Variants in FRMD4A observed in about 807,000 individuals in gnomAD.
FRMD4A encodes FERM domain containing 4A.
FRMD4A carries 29 observed loss-of-function variants against 129.1 expected under a neutral mutation model. The ratio of observed to expected loss-of-function variants is 0.22; its 90% CI spans 0.17 to 0.31. The LOEUF (loss-of-function observed/expected upper bound fraction) is 0.31, where lower values mean the gene tolerates loss of function less well. Among genes scored for constraint, FRMD4A ranks in the 10% least tolerant of loss-of-function variants. The pLI, the probability that FRMD4A is intolerant of heterozygous loss-of-function variation, is 1.00. For missense variants in FRMD4A, 1,272 were observed against 1,375.8 expected, an observed-to-expected ratio of 0.92 and a Z score of 1.19; for synonymous variants, 634 against 571.6, an observed-to-expected ratio of 1.11 and a Z score of -1.56.
chr10:14,324,273 T>C (rs1052137494), intron 2 of FRMD4A, among the ~76,000 whole-genome samples: 1 of 152,214 alleles, frequency 6.6e-6, no homozygotes, highest in African/African-American at 2.4e-5. Flanking sequence ...AAAATATTAA[T>C]AGCAAGATCT....
chr10:13,933,156 C>T (rs1034856237), intron 2 of FRMD4A, among the ~76,000 whole-genome samples: 1 of 142,384 alleles, frequency 7.0e-6, no homozygotes. Flanking sequence ...AAAACTCTGT[C>T]TCAAAAAAAA....
rs1290371371 is a variant in FRMD4A at position 13,821,192 on chromosome 10, TG to T, written c.112-10285del. On this transcript the variant is annotated intron_variant, in intron 3 of 24. Transcript: ENST00000357447. This position sits in a 1 kb window ranked among gnomAD's most constrained non-coding sequence, Gnocchi z 4.3. ...CTGTCCACTGTGTGGCCAGCAGGTC[TG>T]GGCGGCGACTCCCCTCCTTGTCGCC... Among the ~76,000 whole-genome samples, 1 of 152,086 alleles carries T rather than the reference TG, an allele frequency of 6.6e-6. No individual in the cohort carries two copies. The highest frequency in any genetic ancestry group is 1.5e-5 in the Non-Finnish European group (1 of 67,992).
intron 15 of FRMD4A, among the ~76,000 whole-genome samples, chr10:13,681,873 G>C (rs1435122049): frequency 2.0e-5 from 3 of 152,128 alleles, no homozygotes; most frequent in Admixed American, 2.0e-4. Context: ...GAAGATGCTT[G>C]GAAGAGAGGT....
At chr10:14,275,050 T>G (rs1469922167) in intron 2 of FRMD4A, among the ~76,000 whole-genome samples, 1 of 152,240 alleles carries the variant, frequency 6.6e-6, no homozygotes, top group Non-Finnish European at 1.5e-5. Context: ...CAGTCTCTGG[T>G]GTACACTTCC....
chr10:13,988,033 G>A (rs1342147124), intron 2 of FRMD4A, among the ~76,000 whole-genome samples: 2 of 152,034 alleles, frequency 1.3e-5, no homozygotes, highest in Non-Finnish European at 2.9e-5. Context: ...TTTGATATAC[G>A]CTAGAAAATA....
chr10:13,986,753 G>T (rs1185398015), intron 2 of FRMD4A, among the ~76,000 whole-genome samples: 2 of 151,436 alleles, frequency 1.3e-5, no homozygotes, highest in Non-Finnish European at 2.9e-5. Flanking sequence ...TTATTGGTCT[G>T]GGGGAGGGAC....
intron 2 of FRMD4A, among the ~76,000 whole-genome samples, chr10:14,034,375 A>G (rs1833400374): frequency 6.6e-6 from 1 of 152,106 alleles, no homozygotes; most frequent in Admixed American, 6.5e-5. Context: ...TGGATCCTTG[A>G]GCAGACAGGG....
At chr10:13,754,163 C>G (rs2091757059) in intron 8 of FRMD4A, among the ~76,000 whole-genome samples, 1 of 152,000 alleles carries the variant, frequency 6.6e-6, no homozygotes, top group Non-Finnish European at 1.5e-5. Context: ...ACAGGTATAA[C>G]TGAAAATATG....
chr10:13,978,162 G>A (rs940353339), intron 2 of FRMD4A, among the ~76,000 whole-genome samples: 1 of 152,162 alleles, frequency 6.6e-6, no homozygotes, highest in Non-Finnish European at 1.5e-5. Context: ...TCTTGTTTCT[G>A]ATTACAGCCA....
chr10:14,266,005 C>G (rs1844964861), intron 2 of FRMD4A, among the ~76,000 whole-genome samples: 1 of 152,170 alleles, frequency 6.6e-6, no homozygotes, highest in African/African-American at 2.4e-5. Context: ...GGGCCAAAAT[C>G]TGCAGTTTAA....
At chr10:13,796,118 A>G (rs1413120244) in intron 5 of FRMD4A, among the ~76,000 whole-genome samples, 4 of 152,202 alleles carry the variant, frequency 2.6e-5, no homozygotes, top group African/African-American at 9.6e-5. Context: ...CCCCTCTAAA[A>G]GGAAAGAATA....
intron 2 of FRMD4A, among the ~76,000 whole-genome samples, chr10:14,266,654 A>T (rs2132040530): frequency 6.6e-6 from 1 of 152,346 alleles, no homozygotes; most frequent in Non-Finnish European, 1.5e-5. Flanking sequence ...ATAAAGTTTT[A>T]AAAATGGGAG....
At chr10:13,885,240 T>C (rs986508632) in intron 2 of FRMD4A, among the ~76,000 whole-genome samples, 2 of 152,158 alleles carry the variant, frequency 1.3e-5, no homozygotes, top group African/African-American at 4.8e-5. Context: ...GAGTCTCCCA[T>C]ACTTTTTGAG....
chr10:14,160,276 T>TA (rs1006884492), intron 2 of FRMD4A, among the ~76,000 whole-genome samples: 7 of 152,144 alleles, frequency 4.6e-5, no homozygotes, highest in African/African-American at 1.4e-4. Flanking sequence ...CTCACCATAT[T>TA]AAAAAAATCC....
At chr10:13,888,258 G>A (rs2094649146) in intron 2 of FRMD4A, among the ~76,000 whole-genome samples, 1 of 152,160 alleles carries the variant, frequency 6.6e-6, no homozygotes, top group Admixed American at 6.5e-5. Flanking sequence ...AAGATTCTCT[G>A]ACTCTGATTT....
At chr10:14,149,166 T>C (rs1005136777) in intron 2 of FRMD4A, among the ~76,000 whole-genome samples, 1 of 152,200 alleles carries the variant, frequency 6.6e-6, no homozygotes, top group African/African-American at 2.4e-5. Flanking sequence ...ATTGTTTTTA[T>C]AGAAAACCCA....
chr10:14,176,382 C>T (rs949597330), intron 2 of FRMD4A, among the ~76,000 whole-genome samples: 1 of 151,956 alleles, frequency 6.6e-6, no homozygotes, highest in African/African-American at 2.4e-5. Flanking sequence ...GACACTTCTC[C>T]TAACTGTACA....
chr10:13,964,858 G>C (rs911403487), intron 2 of FRMD4A, among the ~76,000 whole-genome samples: 1 of 151,858 alleles, frequency 6.6e-6, no homozygotes, highest in South Asian at 2.1e-4. Context: ...GCTGATTTTT[G>C]TATTTTTAGT....
intron 2 of FRMD4A, among the ~76,000 whole-genome samples, chr10:14,038,272 A>G (rs11258813): frequency 0.022 from 3,282 of 152,288 alleles, 44 homozygotes; most frequent in East Asian, 0.046. Flanking sequence ...GCAGTGAGCC[A>G]AGATCGCACC....
Sources: allele counts gnomAD v4.1 joint callset (sites outside exome capture counted in the v4.1 genomes callset), GRCh38; gene constraint gnomAD v4.1.1; non-coding constraint Gnocchi (gnomAD v3.1); transcripts MANE v1.5; gene names NCBI Gene and HGNC (gene_info 2026-07-23, HGNC 2026-07-21).